The following ZNF148 variants were observed in gnomAD, a reference collection of about 807,000 sequenced individuals.
The protein encoded by ZNF148 is Beta-Enolase Repressor Factor-1.
ZNF148 carries 7 observed loss-of-function variants against 67.7 expected under a neutral mutation model. The ratio of observed to expected loss-of-function variants is 0.10; its 90% CI spans 0.06 to 0.19. The LOEUF (loss-of-function observed/expected upper bound fraction) is 0.19, where lower values mean the gene tolerates loss of function less well. ZNF148 is among the 10% of genes least tolerant of loss of function. ZNF148 has a pLI of 1.00. For synonymous variants in ZNF148, 333 were observed against 330.7 expected (o/e 1.01, Z -0.08); for missense variants, 583 against 947.1 (o/e 0.62, Z 5.05).
chr3:125,247,995 C>T (rs148760170), intron 7 of ZNF148, among the ~76,000 whole-genome samples: 2 of 152,280 alleles, frequency 1.3e-5, no homozygotes, highest in Non-Finnish European at 2.9e-5. Context: ...ACTTTTCTAT[C>T]AGCCAGTTAT....
chr3:125,328,822 G>A (rs1941141508), intron 2 of ZNF148, among the ~76,000 whole-genome samples: 1 of 151,890 alleles, frequency 6.6e-6, no homozygotes, highest in African/African-American at 2.4e-5. Flanking sequence ...ACAAAAAACT[G>A]ACAAATATTA....
At chr3:125,357,586 A>T (rs1414459569) in intron 1 of ZNF148, 1 of 152,630 alleles carries the variant, frequency 6.6e-6, no homozygotes, top group Non-Finnish European at 1.5e-5. Flanking sequence ...GCTGTTCCAC[A>T]GCCACCAACC....
At chr3:125,251,596 T>C (rs1487230883) in intron 7 of ZNF148, among the ~76,000 whole-genome samples, 2 of 152,236 alleles carry the variant, frequency 1.3e-5, no homozygotes, top group East Asian at 1.9e-4. Context: ...TTATATAGTA[T>C]ATATTCTTTT....
intron 7 of ZNF148, among the ~76,000 whole-genome samples, chr3:125,251,266 A>G (rs183516556): frequency 5.9e-5 from 9 of 152,350 alleles, no homozygotes; most frequent in African/African-American, 2.2e-4. Context: ...GGCTTCTAAT[A>G]CCACAAATTA....
chr3:125,351,380 CAAAAAAAAAAAAAAA>C (rs1158167448), intron 1 of ZNF148, among the ~76,000 whole-genome samples: 1 of 51,352 alleles, frequency 1.9e-5, no homozygotes, highest in African/African-American at 8.5e-5. Context: ...CCTTGTTTCT[CAAAAAAAAAAAAAAA>C]AAAAAAAAAA....
At chr3:125,320,747 C>A (rs67421425) in intron 3 of ZNF148, among the ~76,000 whole-genome samples, 35,060 of 152,038 alleles carry the variant, frequency 0.23, 5,264 homozygotes, top group Middle Eastern at 0.35. Flanking sequence ...GAGAAGCACT[C>A]AAAGGAACTT....
At chr3:125,307,363 G>C (rs911872229) in intron 4 of ZNF148, among the ~76,000 whole-genome samples, 3 of 151,862 alleles carry the variant, frequency 2.0e-5, no homozygotes, top group African/African-American at 7.2e-5. Context: ...GAGTGCAGTG[G>C]CGCGATCTCA....
At position 125,329,495 on chromosome 3, in the gene ZNF148, G is replaced by A. The variant is rs558222251; in HGVS notation, c.-153+1663C>T. On this transcript the variant is annotated intron_variant, in intron 2 of 8. Coordinates refer to ENST00000360647, the MANE Select transcript of ZNF148 (RefSeq NM_021964.3). ...TTCTGCCTCAGCCTCCCGAGTAGCT[G>A]GGGTAACAGGCACCCACCTGTCTGG... is the stretch of plus-strand genomic sequence containing the variant. 2.0e-5 allele frequency among the ~76,000 whole-genome samples: 3 copies of A among 151,460 alleles called. No individual in the cohort carries two copies. The South Asian group carries it at 6.3e-4, about 32-fold the overall frequency.
intron 4 of ZNF148, among the ~76,000 whole-genome samples, chr3:125,304,751 C>T (rs1939782287): frequency 6.6e-6 from 1 of 152,064 alleles, no homozygotes; most frequent in African/African-American, 2.4e-5. Context: ...CTAGCTCTGT[C>T]CATTGAGAGG....
chr3:125,324,300 C>T (rs1411894695), intron 2 of ZNF148, among the ~76,000 whole-genome samples: 1 of 152,072 alleles, frequency 6.6e-6, no homozygotes, highest in African/African-American at 2.4e-5. Flanking sequence ...AGAACTAACG[C>T]ATGCCAAAAC....
intron 1 of ZNF148, among the ~76,000 whole-genome samples, chr3:125,354,369 T>C (rs929711196): frequency 7.9e-5 from 12 of 152,298 alleles, no homozygotes; most frequent in African/African-American, 2.6e-4. Flanking sequence ...AAGAACCCCA[T>C]TGAGGGAACA....
chr3:125,338,237 AG>A (rs1941574757), intron 1 of ZNF148, among the ~76,000 whole-genome samples: 2 of 152,218 alleles, frequency 1.3e-5, no homozygotes, highest in African/African-American at 4.8e-5. Context: ...TCTAGGAGTC[AG>A]AAAAAAAGTA....
At chr3:125,275,663 A>G (rs1938018739) in intron 7 of ZNF148, among the ~76,000 whole-genome samples, 1 of 152,238 alleles carries the variant, frequency 6.6e-6, no homozygotes, top group South Asian at 2.1e-4. Flanking sequence ...TCTGGTACTT[A>G]GTAAATTCTA....
Position 125,313,085 on chromosome 3 carries a change from C to A in ZNF148, c.333+223G>T, listed in dbSNP as rs150510742. 3.9e-5 allele frequency among the ~76,000 whole-genome samples: 6 copies of A among 152,112 alleles called. No homozygotes were observed. In the East Asian group the frequency reaches 1.2e-3, roughly 29 times the overall value. The stretch of plus-strand genomic sequence containing the variant: ...ATTTAAAATTTAATACCAAAATAAT[C>A]CTGAGAAATATTGTTATCCTGAAAG... On this transcript the variant is annotated intron_variant, in intron 4 of 8. Transcript: ENST00000360647.
chr3:125,262,344 A>G (rs1444966332), intron 7 of ZNF148, among the ~76,000 whole-genome samples: 3 of 152,220 alleles, frequency 2.0e-5, no homozygotes, highest in Non-Finnish European at 4.4e-5. Flanking sequence ...AAATATGAAA[A>G]CTTTCTTTGC....
Position 125,329,408 on chromosome 3 carries a change from C to A in ZNF148, c.-153+1750G>T, listed in dbSNP as rs187157477. ...ACAGAGTCTCGCTCTGTCGCCCAGG[C>A]TGGAGTGCAGTGGTGGCATCTTGGC... On this transcript the variant is annotated intron_variant, in intron 2 of 8. Transcript: ENST00000360647. Among the ~76,000 whole-genome samples, 86 of 145,162 alleles carry A rather than the reference C, an allele frequency of 5.9e-4. 1 individual carries two copies. The highest frequency in any genetic ancestry group is 3.8e-3 in the Middle Eastern group (1 of 264).
At chr3:125,325,254 T>C (rs1940967985) in intron 2 of ZNF148, among the ~76,000 whole-genome samples, 1 of 151,950 alleles carries the variant, frequency 6.6e-6, no homozygotes, top group Non-Finnish European at 1.5e-5. Flanking sequence ...GCTCAACAGA[T>C]TTATGGCAAA....
chr3:125,288,309 T>C (rs1398138989), intron 4 of ZNF148, 81 bp from the exon 5 acceptor site: 2 of 1,435,558 alleles, frequency 1.4e-6, no homozygotes, highest in East Asian at 4.9e-5. Context: ...TTTAATCCTT[T>C]GCTAAACCCA....
intron 1 of ZNF148, among the ~76,000 whole-genome samples, chr3:125,367,937 G>A (rs772533634): frequency 7.9e-5 from 12 of 152,222 alleles, no homozygotes; most frequent in Non-Finnish European, 1.5e-4. Flanking sequence ...ACCAGTAGGA[G>A]TAGCTAAAAT....
Sources: gnomAD v4.1 joint callset for allele counts (sites outside exome capture counted in the v4.1 genomes callset) on GRCh38, gnomAD v4.1.1 for gene constraint, MANE v1.5 for transcripts, NCBI Gene and HGNC (gene_info 2026-07-23, HGNC 2026-07-21) for gene names.